The following SUN1 variants were observed in gnomAD, a reference collection of about 807,000 sequenced individuals.
The protein encoded by SUN1 is SUN domain-containing protein 1.
SUN1 carries 61 observed loss-of-function variants against 103.2 expected under a neutral mutation model. The observed-to-expected ratio is 0.59, with a 90% CI of 0.48 to 0.73. The LOEUF is 0.73. Among genes scored for constraint, SUN1 ranks in the 30% least tolerant of loss-of-function variants. The pLI is 0.00. For synonymous variants in SUN1, 490 were observed against 425.7 expected (o/e 1.15, Z -1.86); for missense variants, 1,052 against 1,034.6 (o/e 1.02, Z -0.23).
chr7:833,570 C>A (rs1053371828), intron 1 of SUN1, among the ~76,000 whole-genome samples: 13 of 152,162 alleles, frequency 8.5e-5, no homozygotes, highest in African/African-American at 3.1e-4. Context: ...CTCGGCCTCC[C>A]AAAGTGCTGG....
chr7:856,954 C>T (rs960118988), intron 12 of SUN1, among the ~76,000 whole-genome samples: 1 of 152,190 alleles, frequency 6.6e-6, no homozygotes, highest in South Asian at 2.1e-4. Context: ...CCCTTGGAAT[C>T]CATGGCACAG....
intron 9 of SUN1, 70 bp from the exon 10 acceptor site, chr7:853,339 T>C: frequency 6.4e-7 from 1 of 1,563,762 alleles, no homozygotes; most frequent in East Asian, 2.2e-5. Flanking sequence ...GGACACTGTT[T>C]GGAGGTTTAA....
At chr7:856,468 CAG>C in intron 12 of SUN1, 67 bp downstream of exon 12, 1 of 1,585,212 alleles carries the variant, frequency 6.3e-7, no homozygotes, top group Non-Finnish European at 8.7e-7. Context: ...GGAGCGGCAG[CAG>C]AGTGATGAAT....
At position 823,392 on chromosome 7, in the gene SUN1, A is replaced by G. The variant is rs75201242; in HGVS notation, c.-74+6719A>G. Reference sequence around the variant, plus strand: ...TCTCTGCTGAACATTAAGTGTGAGGAGAAGTTAGCTAGGCAGAGTTTGGGG... The same window carrying G: ...TCTCTGCTGAACATTAAGTGTGAGGGGAAGTTAGCTAGGCAGAGTTTGGGG... On this transcript the variant is annotated intron_variant, in intron 1 of 17. Transcript: ENST00000389574. 7.6e-3 allele frequency among the ~76,000 whole-genome samples: 1,160 copies of G among 152,154 alleles called. 52 individuals are homozygous for G. In the East Asian group the frequency reaches 0.14, roughly 18 times the overall value.
intron 3 of SUN1, chr7:842,459 T>G (rs1372940167): frequency 3.6e-6 from 1 of 277,256 alleles, no homozygotes; most frequent in African/African-American, 2.2e-5. Flanking sequence ...AACTCTGTTT[T>G]TATAAATGCA....
At chr7:856,903 G>A (rs548221959) in intron 12 of SUN1, among the ~76,000 whole-genome samples, 10 of 152,320 alleles carry the variant, frequency 6.6e-5, no homozygotes, top group East Asian at 1.9e-4. Context: ...TGTGCTGGGC[G>A]TGTCACGGTG....
intron 15 of SUN1, among the ~76,000 whole-genome samples, chr7:864,004 T>C (rs1342654510): frequency 2.0e-5 from 3 of 152,240 alleles, no homozygotes; most frequent in African/African-American, 7.2e-5. Context: ...AAAAACACTT[T>C]TTTTATCCGA....
In SUN1 at chr7:850,106, T is replaced by G. The variant is rs933922031; in HGVS notation, c.659-1278T>G. On this transcript the variant is annotated intron_variant, in intron 5 of 18. Transcript: ENST00000401592. ...ATTTGTGTCTTGTGTGGTTTGTGCT[T>G]GGAATTCAAGTGCTTTAAAGTCTTG... 2.2e-6 allele frequency: 3 copies of G among 1,394,668 alleles called. No homozygotes were observed. In the African/African-American group the frequency reaches 4.3e-5, roughly 20 times the overall value. The allele number at this position is 1,394,668 out of a possible 1,614,324, so 86.4% of individuals were successfully genotyped here. A position where few individuals can be genotyped will look rare whatever the true frequency, so the allele number is the denominator to read the frequency against.
intron 3 of SUN1, chr7:842,841 A>G: frequency 2.5e-6 from 1 of 407,176 alleles, no homozygotes; most frequent in Non-Finnish European, 4.6e-6. Context: ...TTGCTCAGCT[A>G]GTGAGAGTGG....
Position 851,444 on chromosome 7 carries a change from C to CGGCGTGGTCGGCCCTTT in SUN1, c.723_739dup (p.Leu247ArgfsTer33). ...GCTGTGGGCCAGGCTGTGTCCAGGACGGCGTGGTCGGCCCTTTGGCTGGCC... is the reference window on the plus strand; with the variant it reads ...GCTGTGGGCCAGGCTGTGTCCAGGACGGCGTGGTCGGCCCTTTGGCGTGGTCGGCCCTTTGGCTGGCC... On this transcript the variant is annotated frameshift_variant, in exon 6 of 19. Coordinates refer to ENST00000401592, the MANE Select transcript of SUN1 (RefSeq NM_001130965.3). LOFTEE classifies it high-confidence loss of function. 6.2e-7 allele frequency: 1 copy of CGGCGTGGTCGGCCCTTT among 1,609,896 alleles called. No individual in the cohort carries two copies. Among genetic ancestry groups the CGGCGTGGTCGGCCCTTT allele is most frequent in the Non-Finnish European group, 8.5e-7 (1 of 1,178,188 alleles).
chr7:851,944 T>C lies in SUN1; in HGVS notation c.758-6T>C. The C allele has an allele frequency of 6.2e-7, 1 of 1,613,736 alleles. No homozygotes were observed. On this transcript the variant is annotated splice_region_variant and splice_polypyrimidine_tract_variant and intron_variant, in intron 6 of 18. Coordinates refer to ENST00000401592, the MANE Select transcript of SUN1 (RefSeq NM_001130965.3). ...TCCTTAGAATGTTTGGTGTTTTCTCTTGTAGGGAAGGCAGCCTCTGGAGTG... is the reference window on the plus strand; with the variant it reads ...TCCTTAGAATGTTTGGTGTTTTCTCCTGTAGGGAAGGCAGCCTCTGGAGTG...
chr7:837,158 C>T (rs1161500761), intron 1 of SUN1, among the ~76,000 whole-genome samples: 1 of 152,190 alleles, frequency 6.6e-6, no homozygotes, highest in Non-Finnish European at 1.5e-5. Flanking sequence ...GGGGAACCCT[C>T]GTGAGCTGAA....
chr7:842,200 G>A, intron 3 of SUN1, 70 bp downstream of exon 3: 1 of 1,535,366 alleles, frequency 6.5e-7, no homozygotes, highest in Non-Finnish European at 8.9e-7. Context: ...CTGGGGAGAG[G>A]GGAGGCGGTG....
At chr7:852,198 C>G (rs1822860763) in intron 7 of SUN1, 155 bp downstream of exon 7, 4 of 698,192 alleles carry the variant, frequency 5.7e-6, no homozygotes, top group Admixed American at 5.9e-5. Context: ...TCTTATTTTT[C>G]AAACCAACCT....
At position 860,223 on chromosome 7, in the gene SUN1, GT is replaced by G. The variant is rs754496169; in HGVS notation, c.1623del (p.Phe541LeufsTer2). On this transcript the variant is annotated frameshift_variant, in exon 14 of 19. Coordinates refer to ENST00000401592, the MANE Select transcript of SUN1 (RefSeq NM_001130965.3). LOFTEE classifies it high-confidence loss of function. ...AGCTGCTGCAGAGGTTCTCATCACA[GT>G]TTGTGAGCAAAGGCGACTTGCAGAC... The part of the protein sequence containing the change: ...EQLLQRFSSQ[F>X]VSKGDLQTML... The G allele has an allele frequency of 6.2e-7, 1 of 1,614,260 alleles. No homozygotes were observed. The highest frequency in any genetic ancestry group is 1.1e-5 in the South Asian group (1 of 91,092).
rs191115674 is a variant in SUN1, at chr7:851,535, A to G, written c.757+53A>G. 44 of 1,410,494 alleles carry G rather than the reference A, an allele frequency of 3.1e-5. No homozygotes were observed. In the African/African-American group the frequency reaches 7.2e-4, roughly 23 times the overall value. The allele number at this position is 1,410,494 out of a possible 1,614,324, so 87.4% of individuals were successfully genotyped here. ...TTCTCTCCAGAGCTTCTGGCAGCTAAGCACCTGCACTCGATTTACCTAACC... is the reference window on the plus strand; with the variant it reads ...TTCTCTCCAGAGCTTCTGGCAGCTAGGCACCTGCACTCGATTTACCTAACC... On this transcript the variant is annotated intron_variant, in intron 6 of 18. Coordinates refer to ENST00000401592, the MANE Select transcript of SUN1 (RefSeq NM_001130965.3).
intron 13 of SUN1, among the ~76,000 whole-genome samples, chr7:858,761 A>G (rs1277591283): frequency 6.6e-6 from 1 of 152,276 alleles, no homozygotes; most frequent in Non-Finnish European, 1.5e-5. Flanking sequence ...AAAGTCAGAC[A>G]GTAGATTGGT....
intron 1 of SUN1, among the ~76,000 whole-genome samples, chr7:819,543 G>A (rs781717822): frequency 2.0e-5 from 3 of 152,082 alleles, no homozygotes; most frequent in Middle Eastern, 3.4e-3. Context: ...TTCTGACTTC[G>A]TTCTTTTGCA....
At chr7:870,876 T>G (rs1258377057) in intron 17 of SUN1, among the ~76,000 whole-genome samples, 2 of 145,596 alleles carry the variant, frequency 1.4e-5, no homozygotes, top group Non-Finnish European at 3.0e-5. Flanking sequence ...CATTTTCTTT[T>G]TATTTTCTTT....
Sources: allele counts gnomAD v4.1 joint callset (sites outside exome capture counted in the v4.1 genomes callset), GRCh38; gene constraint gnomAD v4.1.1; transcripts MANE v1.5; gene names NCBI Gene and HGNC (gene_info 2026-07-23, HGNC 2026-07-21).